G3BP2: variants seen among roughly 807,000 people sequenced by gnomAD.
The protein encoded by G3BP2 is ras GTPase-activating protein-binding protein 2.
In G3BP2, 11 loss-of-function variants were observed where a neutral mutation model predicts 56.7. The ratio of observed to expected loss-of-function variants is 0.19; its 90% confidence interval spans 0.12 to 0.32. G3BP2 has a LOEUF of 0.32. Ranked by LOEUF, G3BP2 falls within the 10% of genes least tolerant of loss-of-function variation. The pLI is 1.00. For synonymous variants in G3BP2, 165 were observed against 191.6 expected (o/e 0.86, Z 1.15); for missense variants, 340 against 610.9 (o/e 0.56, Z 4.67).
At chr4:75,718,561 A>G (rs1465095450) in intron 3 of G3BP2, among the ~76,000 whole-genome samples, 1 of 152,200 alleles carries the variant, frequency 6.6e-6, no homozygotes, top group Non-Finnish European at 1.5e-5. Context: ...CTCCTGGCAT[A>G]CTATTCCAGA....
intron 8 of G3BP2, 165 bp from the exon 9 acceptor site, chr4:75,648,906 T>C (rs1731451949): frequency 3.8e-6 from 2 of 523,480 alleles, no homozygotes; most frequent in African/African-American, 3.8e-5. Context: ...TATCAAGATA[T>C]TCTGTACCAA....
chr4:75,655,993 C>CTT (rs373392333), intron 5 of G3BP2, 123 bp from the exon 6 acceptor site: 1,861 of 491,170 alleles, frequency 3.8e-3, no homozygotes, highest in Middle Eastern at 6.7e-3. Context: ...ATTTTCTTTC[C>CTT]TTTTTTTTTT....
intron 6 of G3BP2, 82 bp downstream of exon 6, chr4:75,655,686 C>A (rs1732041832): frequency 1.3e-6 from 1 of 749,728 alleles, no homozygotes; most frequent in Non-Finnish European, 2.4e-6. Context: ...CAAGAATTTA[C>A]TTTCAACAAT....
At chr4:75,706,963 C>A (rs1438098338) in intron 3 of G3BP2, among the ~76,000 whole-genome samples, 1 of 151,766 alleles carries the variant, frequency 6.6e-6, no homozygotes, top group Non-Finnish European at 1.5e-5. Context: ...GAGGCTGAGG[C>A]GGGCGGATCA....
At chr4:75,650,080 A>C (rs1178695338) in intron 8 of G3BP2, among the ~76,000 whole-genome samples, 1 of 152,194 alleles carries the variant, frequency 6.6e-6, no homozygotes, top group East Asian at 1.9e-4. Flanking sequence ...GCAGCGGCTC[A>C]AACTCTTTAA....
At chr4:75,703,535 T>C (rs1294202404) in intron 3 of G3BP2, among the ~76,000 whole-genome samples, 1 of 152,166 alleles carries the variant, frequency 6.6e-6, no homozygotes, top group East Asian at 1.9e-4. Flanking sequence ...ACAGGGTTTT[T>C]AGCCAGTCCT....
intron 3 of G3BP2, among the ~76,000 whole-genome samples, chr4:75,719,106 T>C (rs1363929620): frequency 3.9e-5 from 6 of 152,096 alleles, no homozygotes; most frequent in African/African-American, 1.4e-4. Context: ...CCCAGCACTT[T>C]GGGAGGCCGA....
At chr4:75,679,055 A>G (rs1464220343) in intron 3 of G3BP2, among the ~76,000 whole-genome samples, 2 of 152,200 alleles carry the variant, frequency 1.3e-5, no homozygotes, top group African/African-American at 4.8e-5. Context: ...TCTCATTTCA[A>G]TTTCACAGCA....
intron 3 of G3BP2, among the ~76,000 whole-genome samples, chr4:75,658,183 T>C (rs1367005924): frequency 6.6e-6 from 1 of 152,110 alleles, no homozygotes. Flanking sequence ...TAGCATAGGG[T>C]TTAGCTCAGA....
intron 1 of G3BP2, among the ~76,000 whole-genome samples, chr4:75,664,934 A>C (rs777735730): frequency 1.3e-5 from 2 of 152,050 alleles, no homozygotes; most frequent in Admixed American, 1.3e-4. Context: ...AGGTGGCAGG[A>C]AAGCTTGAGG....
intron 3 of G3BP2, among the ~76,000 whole-genome samples, chr4:75,697,159 A>G (rs1367900018): frequency 1.3e-5 from 2 of 151,784 alleles, no homozygotes; most frequent in Non-Finnish European, 2.9e-5. Flanking sequence ...CTGTAGTCCC[A>G]GCTACTCAGG....
intron 3 of G3BP2, among the ~76,000 whole-genome samples, chr4:75,658,178 T>C (rs1732255146): frequency 1.3e-5 from 2 of 152,210 alleles, no homozygotes; most frequent in South Asian, 4.1e-4. Flanking sequence ...TCCTATAGCA[T>C]AGGGTTTAGC....
At chr4:75,708,612 T>A (rs1276432203) in intron 3 of G3BP2, among the ~76,000 whole-genome samples, 1 of 152,274 alleles carries the variant, frequency 6.6e-6, no homozygotes, top group East Asian at 1.9e-4. Context: ...TCCATACATC[T>A]TGGGGAATAC....
chr4:75,689,037 T>A (rs1718739752), intron 3 of G3BP2, among the ~76,000 whole-genome samples: 1 of 152,070 alleles, frequency 6.6e-6, no homozygotes, highest in Non-Finnish European at 1.5e-5. Flanking sequence ...TCCTATGGTA[T>A]TGGATATAAG....
At chr4:75,652,017 G>C (rs1253719996) in intron 8 of G3BP2, among the ~76,000 whole-genome samples, 1 of 151,990 alleles carries the variant, frequency 6.6e-6, no homozygotes, top group East Asian at 1.9e-4. Flanking sequence ...TAAAATTGAA[G>C]GATTATTAAA....
In G3BP2 at chr4:75,643,297, A is replaced by ATAT. The variant is rs1349350683; in HGVS notation, c.*2130_*2132dup. ...AGGGCAATATCCTGAATTGGAAATT[A>ATAT]TATATATATATATATATATGGAAAC... On this transcript the variant is annotated 3_prime_UTR_variant, in exon 12 of 12. Coordinates refer to ENST00000359707, the MANE Select transcript of G3BP2 (RefSeq NM_203505.3). 5 of 71,606 alleles carry ATAT rather than the reference A, an allele frequency of 7.0e-5. 1 individual carries two copies. The highest frequency in any genetic ancestry group is 2.1e-4 in the African/African-American group (5 of 23,812). 4.4% of individuals were successfully genotyped at this position (71,606 alleles called of 1,614,324 possible). A position where few individuals can be genotyped will look rare whatever the true frequency, so the allele number is the denominator to read the frequency against.
intron 3 of G3BP2, among the ~76,000 whole-genome samples, chr4:75,682,740 G>A (rs1283915685): frequency 1.3e-5 from 2 of 152,074 alleles, no homozygotes; most frequent in South Asian, 2.1e-4. Flanking sequence ...CCAGCACTTT[G>A]GGAGGCCAAG....
intron 3 of G3BP2, among the ~76,000 whole-genome samples, chr4:75,705,381 C>T (rs1484457515): frequency 6.6e-6 from 1 of 152,236 alleles, no homozygotes; most frequent in African/African-American, 2.4e-5. Flanking sequence ...ACCATTTCAA[C>T]AGAAGTCTGG....
chr4:75,657,505 T>G, intron 4 of G3BP2, 52 bp downstream of exon 4: 1 of 1,380,486 alleles, frequency 7.2e-7, no homozygotes. Flanking sequence ...TCTGGACACT[T>G]CAACCAACTA....
Sources: gnomAD v4.1 joint callset for allele counts (sites outside exome capture counted in the v4.1 genomes callset) on GRCh38, gnomAD v4.1.1 for gene constraint, MANE v1.5 for transcripts, NCBI Gene and HGNC (gene_info 2026-07-23, HGNC 2026-07-21) for gene names.